Variants in TNS1 observed in about 807,000 individuals in gnomAD.
TNS1 encodes the protein tensin 1.
TNS1 carries 62 observed loss-of-function variants against 168.6 expected under a neutral mutation model. That is an observed-to-expected ratio of 0.37 (90% confidence interval 0.30 to 0.45). TNS1 has a LOEUF of 0.45. Among genes scored for constraint, TNS1 ranks in the 20% least tolerant of loss-of-function variants. The pLI is 1.00. For synonymous variants in TNS1, 934 were observed against 933.2 expected, an observed-to-expected ratio of 1.00 and a Z score of -0.02; for missense variants, 2,240 against 2,339.4, an observed-to-expected ratio of 0.96 and a Z score of 0.88.
At chr2:217,951,634 C>T (rs1040561017) in intron 3 of TNS1, among the ~76,000 whole-genome samples, 67 of 152,126 alleles carry the variant, frequency 4.4e-4, no homozygotes, top group Admixed American at 1.3e-4. Flanking sequence ...GCTCGCCCGC[C>T]CCTGCCTACA....
chr2:217,991,992 C>A (rs910956525), intron 1 of TNS1, among the ~76,000 whole-genome samples: 2 of 152,162 alleles, frequency 1.3e-5, no homozygotes, highest in Non-Finnish European at 2.9e-5. Flanking sequence ...TACCACAGGC[C>A]TCAGTTTCTC....
At chr2:217,889,447 G>C (rs1951529511) in intron 12 of TNS1, among the ~76,000 whole-genome samples, 1 of 152,178 alleles carries the variant, frequency 6.6e-6, no homozygotes, top group African/African-American at 2.4e-5. Context: ...GTGTGCTCAG[G>C]GGCTAAAAAG....
intron 18 of TNS1, among the ~76,000 whole-genome samples, chr2:217,865,527 GAGA>G (rs1949192937): frequency 6.6e-6 from 1 of 152,238 alleles, no homozygotes. Flanking sequence ...CCTGGAGAAG[GAGA>G]AGAACACACA....
At chr2:217,930,420 G>A (rs1956259370) in intron 3 of TNS1, among the ~76,000 whole-genome samples, 1 of 152,192 alleles carries the variant, frequency 6.6e-6, no homozygotes, top group Admixed American at 6.5e-5. Context: ...AACACAAAGA[G>A]ACCAGTTGGC....
At chr2:218,006,357 TCCACCTTCTGCGATGACA>T (rs1436377707), upstream of TNS1, among the ~76,000 whole-genome samples, 1 of 152,218 alleles carries the variant, frequency 6.6e-6, no homozygotes, top group African/African-American at 2.4e-5. Flanking sequence ...CCCTTCCAGC[TCCACCTTCTGCGATGACA>T]CGAGTTTCCC....
chr2:217,965,216 A>T (rs1211868661), intron 3 of TNS1, among the ~76,000 whole-genome samples: 1 of 152,212 alleles, frequency 6.6e-6, no homozygotes, highest in Non-Finnish European at 1.5e-5. Flanking sequence ...AGGATCTCAG[A>T]AGAATAGAAC....
intron 3 of TNS1, among the ~76,000 whole-genome samples, chr2:217,937,694 C>A (rs925966377): frequency 5.9e-5 from 9 of 152,136 alleles, no homozygotes; most frequent in Middle Eastern, 3.4e-3. Context: ...ACTCACAGAC[C>A]CCCCACCCCT....
rs376247264 is a variant in TNS1, at chr2:217,824,043, T to G, written c.3374-2105A>C. The stretch of plus-strand genomic sequence containing the variant: ...ACACTTTTTTGTAAAGACTTAATAG[T>G]AAATATCTTAGGCTGGTGGGTAAGG... On this transcript the variant is annotated intron_variant, in intron 22 of 32. Transcript: ENST00000682258. 5.9e-5 allele frequency among the ~76,000 whole-genome samples: 9 copies of G among 152,320 alleles called. No individual in the cohort carries two copies. The East Asian group carries it at 1.7e-3, about 29-fold the overall frequency.
chr2:217,837,524 C>G (rs962299212), intron 19 of TNS1, among the ~76,000 whole-genome samples: 1 of 152,250 alleles, frequency 6.6e-6, no homozygotes, highest in Non-Finnish European at 1.5e-5. Flanking sequence ...TAATCAGGGG[C>G]TCCCATAATC....
At chr2:217,927,711 C>G (rs926669621) in intron 3 of TNS1, among the ~76,000 whole-genome samples, 2 of 152,160 alleles carry the variant, frequency 1.3e-5, no homozygotes, top group African/African-American at 4.8e-5. Flanking sequence ...GACCCCCATC[C>G]CCACCCTTGA....
chr2:218,008,221 T>C (rs908652857), intron 1 of TNS1, among the ~76,000 whole-genome samples: 52 of 152,208 alleles, frequency 3.4e-4, no homozygotes, highest in African/African-American at 1.2e-3. Context: ...TACTCCACAA[T>C]CTTGATCTCT....
chr2:217,869,683 G>A (rs989358916), intron 18 of TNS1, among the ~76,000 whole-genome samples: 6 of 152,228 alleles, frequency 3.9e-5, no homozygotes, highest in African/African-American at 7.2e-5. Flanking sequence ...CATCTACTGC[G>A]GGTTTGGTGT....
chr2:217,973,212 C>G (rs1046018421), intron 3 of TNS1, among the ~76,000 whole-genome samples: 1 of 151,762 alleles, frequency 6.6e-6, no homozygotes, highest in Non-Finnish European at 1.5e-5. Context: ...AGAAAATTAG[C>G]CAGGTGTGGT....
intron 3 of TNS1, among the ~76,000 whole-genome samples, chr2:217,943,264 T>C (rs1473356991): frequency 6.6e-6 from 1 of 152,056 alleles, no homozygotes; most frequent in Non-Finnish European, 1.5e-5. Flanking sequence ...GGAGTGGAGA[T>C]GGGAAAAGTG....
intron 2 of TNS1, among the ~76,000 whole-genome samples, chr2:217,983,827 G>A (rs531345055): frequency 2.6e-5 from 4 of 152,324 alleles, no homozygotes; most frequent in Admixed American, 6.5e-5. Flanking sequence ...ACCTGGGCTG[G>A]AGGTATGCAG....
intron 19 of TNS1, among the ~76,000 whole-genome samples, chr2:217,839,863 C>A (rs1244089229): frequency 6.6e-6 from 1 of 152,208 alleles, no homozygotes; most frequent in Non-Finnish European, 1.5e-5. Flanking sequence ...GCGAGGGGAT[C>A]CGGGAGGCCA....
At chr2:217,831,720 T>C (rs1944454341) in intron 21 of TNS1, among the ~76,000 whole-genome samples, 173 bp from the exon 22 acceptor site, 2 of 152,118 alleles carry the variant, frequency 1.3e-5, no homozygotes, top group South Asian at 4.1e-4. Flanking sequence ...TCCGTATTTC[T>C]CTACATTTGA....
intron 18 of TNS1, chr2:217,879,292 T>C: frequency 2.8e-6 from 1 of 352,772 alleles, no homozygotes; most frequent in South Asian, 2.0e-5. Context: ...ACAGTAAAAA[T>C]TCTTTCCAAT....
At chr2:217,858,086 G>A (rs1031242809) in intron 18 of TNS1, among the ~76,000 whole-genome samples, 1 of 152,136 alleles carries the variant, frequency 6.6e-6, no homozygotes, top group Non-Finnish European at 1.5e-5. Flanking sequence ...GATGCAGGGA[G>A]GGGGCGTCCT....
Sources: gnomAD v4.1 joint callset for allele counts (sites outside exome capture counted in the v4.1 genomes callset) on GRCh38, gnomAD v4.1.1 for gene constraint, MANE v1.5 for transcripts, NCBI Gene and HGNC (gene_info 2026-07-23, HGNC 2026-07-21) for gene names.